Variants in SPAG16 observed in about 807,000 individuals in gnomAD.
SPAG16 encodes sperm associated antigen 16.
In SPAG16, 86 loss-of-function variants were observed where a neutral mutation model predicts 80.4. The observed-to-expected ratio is 1.07, with a 90% CI of 0.90 to 1.28. SPAG16 has a LOEUF of 1.28. Ranked by LOEUF, SPAG16 falls within the 50% of genes most tolerant of loss-of-function variation. The pLI is 0.00. For synonymous variants in SPAG16, 294 were observed against 265.9 expected (o/e 1.11, Z -1.03); for missense variants, 870 against 765.3 (o/e 1.14, Z -1.61).
chr2:213,675,252 T>C (rs968645428), intron 10 of SPAG16, among the ~76,000 whole-genome samples: 1 of 152,190 alleles, frequency 6.6e-6, no homozygotes, highest in Admixed American at 6.5e-5. Context: ...TCCTTGTAAA[T>C]TTGTTTGAGT....
chr2:213,806,361 A>T (rs1423064900), intron 10 of SPAG16, among the ~76,000 whole-genome samples: 2 of 152,216 alleles, frequency 1.3e-5, no homozygotes, highest in African/African-American at 4.8e-5. Context: ...TTACAGTTAA[A>T]GTGCTTTAAT....
intron 15 of SPAG16, among the ~76,000 whole-genome samples, chr2:214,252,574 C>G (rs1690374166): frequency 6.6e-6 from 1 of 151,872 alleles, no homozygotes; most frequent in Non-Finnish European, 1.5e-5. Flanking sequence ...TGTTCGTTTG[C>G]TGAGAATGAT....
At chr2:214,166,892 A>G (rs925909819) in intron 15 of SPAG16, among the ~76,000 whole-genome samples, 1 of 152,184 alleles carries the variant, frequency 6.6e-6, no homozygotes, top group Non-Finnish European at 1.5e-5. Context: ...TAATGCTAGT[A>G]TGAAACCAAG....
intron 14 of SPAG16, among the ~76,000 whole-genome samples, chr2:214,117,508 G>C (rs1350446650): frequency 6.6e-6 from 1 of 152,064 alleles, no homozygotes; most frequent in Non-Finnish European, 1.5e-5. Context: ...TATGAGAACA[G>C]CACTACCCTG....
chr2:214,278,788 C>A (rs1371428199), intron 15 of SPAG16, among the ~76,000 whole-genome samples: 1 of 152,114 alleles, frequency 6.6e-6, no homozygotes, highest in Non-Finnish European at 1.5e-5. Flanking sequence ...AATTTATTTT[C>A]TTAATGTTTG....
At chr2:213,846,906 C>T (rs2074657978) in intron 10 of SPAG16, among the ~76,000 whole-genome samples, 1 of 152,194 alleles carries the variant, frequency 6.6e-6, no homozygotes, top group Admixed American at 6.5e-5. Flanking sequence ...AGTCTCTTAT[C>T]TGGAGGCTAT....
rs554542976 is a variant in SPAG16, at chr2:213,289,456, C to T, written c.136+4837C>T. Among the ~76,000 whole-genome samples the T allele has an allele frequency of 3.9e-5, 6 of 152,258 alleles. No individual in the cohort carries two copies. In the East Asian group the frequency reaches 1.2e-3, roughly 29 times the overall value. On this transcript the variant is annotated intron_variant, in intron 1 of 15. Transcript: ENST00000331683. ...AATTCTGTTGAATTGGTAGTGGCTC[C>T]CTGGTATAGGATATTAATAAGAATT...
chr2:214,136,133 G>C (rs2055040307), intron 14 of SPAG16, among the ~76,000 whole-genome samples: 2 of 152,040 alleles, frequency 1.3e-5, no homozygotes, highest in Admixed American at 1.3e-4. Flanking sequence ...ACAGAAACTA[G>C]TAGAGTGAGA....
intron 10 of SPAG16, among the ~76,000 whole-genome samples, chr2:213,538,383 T>A (rs113267483): frequency 2.6e-5 from 4 of 152,280 alleles, no homozygotes; most frequent in Non-Finnish European, 4.4e-5. Flanking sequence ...CTTAAGAAAT[T>A]AGGATTTACT....
chr2:213,411,503 G>A (rs191539422), intron 9 of SPAG16, among the ~76,000 whole-genome samples: 93 of 152,296 alleles, frequency 6.1e-4, no homozygotes, highest in Non-Finnish European at 8.5e-4. Flanking sequence ...CATGATATTA[G>A]CAGAAAGAGG....
chr2:213,736,176 G>C (rs949988477), intron 10 of SPAG16, among the ~76,000 whole-genome samples: 2 of 151,994 alleles, frequency 1.3e-5, no homozygotes, highest in Non-Finnish European at 2.9e-5. Context: ...GATAACTCAA[G>C]GTTTCTTTAA....
chr2:213,542,114 C>T (rs1004713906), intron 10 of SPAG16, among the ~76,000 whole-genome samples: 3 of 151,968 alleles, frequency 2.0e-5, no homozygotes, highest in East Asian at 1.9e-4. Context: ...TAAAAAGAAA[C>T]GTAACAAGAA....
At position 213,648,261 on chromosome 2, in the gene SPAG16, A is replaced by T. The variant is rs60197199; in HGVS notation, c.1070+158171A>T. On this transcript the variant is annotated intron_variant, in intron 10 of 15. Coordinates refer to ENST00000331683, the MANE Select transcript of SPAG16 (RefSeq NM_024532.5). Reference sequence around the variant, plus strand: ...TGAGAATAATCTAACTTTGGGAATGACTACAAAGGGTGTTAATTAAGTAGC... The same window carrying T: ...TGAGAATAATCTAACTTTGGGAATGTCTACAAAGGGTGTTAATTAAGTAGC... Among the ~76,000 whole-genome samples the T allele has an allele frequency of 2.6e-3, 400 of 152,326 alleles. 5 individuals are homozygous for T. The highest frequency in any genetic ancestry group is 8.9e-3 in the African/African-American group (368 of 41,568).
At chr2:214,125,870 A>G (rs556393650) in intron 14 of SPAG16, among the ~76,000 whole-genome samples, 47 of 151,634 alleles carry the variant, frequency 3.1e-4, no homozygotes, top group Non-Finnish European at 6.0e-4. Flanking sequence ...AAAATTGTCT[A>G]TTTTGATGCT....
At chr2:213,450,162 G>A (rs2071599922) in intron 9 of SPAG16, among the ~76,000 whole-genome samples, 1 of 152,126 alleles carries the variant, frequency 6.6e-6, no homozygotes, top group African/African-American at 2.4e-5. Flanking sequence ...AAATTAGGCA[G>A]GCATGGTGGT....
intron 10 of SPAG16, among the ~76,000 whole-genome samples, chr2:213,583,626 A>G (rs1576072720): frequency 6.6e-6 from 1 of 152,172 alleles, no homozygotes; most frequent in Non-Finnish European, 1.5e-5. Flanking sequence ...GTGGTAACTG[A>G]GTTAGAAAAA....
chr2:214,062,667 C>CTTTTT (rs36069141), intron 13 of SPAG16, among the ~76,000 whole-genome samples: 14 of 122,780 alleles, frequency 1.1e-4, no homozygotes, highest in Non-Finnish European at 1.7e-4. Context: ...ATAGCCTCCT[C>CTTTTT]TTTTTTTTTT....
At chr2:213,291,820 G>C (rs1325261390) in intron 1 of SPAG16, among the ~76,000 whole-genome samples, 1 of 152,108 alleles carries the variant, frequency 6.6e-6, no homozygotes, top group Non-Finnish European at 1.5e-5. Flanking sequence ...TTTAATCTCT[G>C]ATTCAGTTTC....
At chr2:213,450,030 C>G (rs1351931374) in intron 9 of SPAG16, among the ~76,000 whole-genome samples, 5 of 152,166 alleles carry the variant, frequency 3.3e-5, no homozygotes, top group Non-Finnish European at 2.9e-5. Flanking sequence ...TCAGGCCAGA[C>G]ATGGTGGCTC....
Sources: gnomAD v4.1 joint callset for allele counts (sites outside exome capture counted in the v4.1 genomes callset) on GRCh38, gnomAD v4.1.1 for gene constraint, MANE v1.5 for transcripts, NCBI Gene and HGNC (gene_info 2026-07-23, HGNC 2026-07-21) for gene names.